Variants in GOLM2 observed in about 807,000 individuals in gnomAD.
The protein encoded by GOLM2 is protein GOLM2.
Under a neutral mutation model 55.9 loss-of-function variants are expected in GOLM2, and 26 were observed. The observed-to-expected ratio is 0.47, with a 90% CI of 0.34 to 0.65. GOLM2 has a LOEUF of 0.65. GOLM2 is among the 30% of genes least tolerant of loss of function. The pLI is 0.01. For synonymous variants in GOLM2, 165 were observed against 194.6 expected, an observed-to-expected ratio of 0.85 and a Z score of 1.27; for missense variants, 486 against 531.8, an observed-to-expected ratio of 0.91 and a Z score of 0.85.
intron 1 of GOLM2, among the ~76,000 whole-genome samples, chr15:44,310,324 G>T (rs1243363809): frequency 6.6e-6 from 1 of 151,750 alleles, no homozygotes; most frequent in East Asian, 1.9e-4. Flanking sequence ...GGATGAAAGG[G>T]TACTCACAAG....
At chr15:44,331,552 A>G (rs1199482069) in intron 3 of GOLM2, among the ~76,000 whole-genome samples, 2 of 152,136 alleles carry the variant, frequency 1.3e-5, no homozygotes, top group African/African-American at 2.4e-5. Flanking sequence ...CTTTTATTAC[A>G]GTGTTAAACT....
chr15:44,322,865 T>G, intron 1 of GOLM2, 100 bp from the exon 2 acceptor site: 1 of 733,240 alleles, frequency 1.4e-6, no homozygotes, highest in Non-Finnish European at 2.2e-6. Context: ...AACCAGAGTT[T>G]TTTGTTTGCA....
At chr15:44,316,715 A>G (rs1195800653) in intron 1 of GOLM2, among the ~76,000 whole-genome samples, 1 of 151,246 alleles carries the variant, frequency 6.6e-6, no homozygotes, top group African/African-American at 2.4e-5. Context: ...AGATTGTGCC[A>G]CTGCACTCCA....
At chr15:44,358,998 T>C (rs2079216561) in intron 6 of GOLM2, among the ~76,000 whole-genome samples, 1 of 150,726 alleles carries the variant, frequency 6.6e-6, no homozygotes, top group Admixed American at 6.6e-5. Context: ...CCACTAAAAA[T>C]ACAAAAAAAT....
At chr15:44,374,102 A>AAAAT (rs952237248) in intron 6 of GOLM2, among the ~76,000 whole-genome samples, 1 of 152,112 alleles carries the variant, frequency 6.6e-6, no homozygotes, top group African/African-American at 2.4e-5. Flanking sequence ...CTCAGTCTCA[A>AAAAT]AAATAAATAA....
intron 6 of GOLM2, among the ~76,000 whole-genome samples, chr15:44,359,053 G>C (rs1293679286): frequency 1.3e-5 from 2 of 151,990 alleles, no homozygotes; most frequent in African/African-American, 4.8e-5. Flanking sequence ...GGGAGGCTGA[G>C]GCAGGAGAAT....
intron 5 of GOLM2, among the ~76,000 whole-genome samples, 158 bp downstream of exon 5, chr15:44,338,065 A>C (rs1439717871): frequency 6.6e-6 from 1 of 152,360 alleles, no homozygotes; most frequent in Admixed American, 6.5e-5. Context: ...GTTTGATAGA[A>C]GAGAAAAAAG....
At chr15:44,345,146 G>T (rs190900262) in intron 6 of GOLM2, among the ~76,000 whole-genome samples, 159 of 151,758 alleles carry the variant, frequency 1.0e-3, no homozygotes, top group African/African-American at 3.8e-3. Context: ...TTTCGCTCTT[G>T]TAGCCAAGGC....
chr15:44,325,724 T>C (rs1388073367), intron 2 of GOLM2, among the ~76,000 whole-genome samples: 1 of 152,214 alleles, frequency 6.6e-6, no homozygotes, highest in African/African-American at 2.4e-5. Context: ...GTTTGATCCC[T>C]TAGCCACAAG....
chr15:44,359,156 T>A (rs542567928), intron 6 of GOLM2, among the ~76,000 whole-genome samples: 58 of 147,648 alleles, frequency 3.9e-4, no homozygotes, highest in African/African-American at 1.2e-3. Context: ...TCTCAAAAAA[T>A]AATAATAATA....
At chr15:44,400,769 G>C (rs573896668) in intron 8 of GOLM2, among the ~76,000 whole-genome samples, 10 of 151,864 alleles carry the variant, frequency 6.6e-5, no homozygotes, top group African/African-American at 2.4e-4. Flanking sequence ...GTAGAGATGG[G>C]GTTTCACCAT....
rs1428901647 is a variant in GOLM2, at chr15:44,289,668, C to A, written c.327+312C>A. On this transcript the variant is annotated intron_variant, in intron 1 of 9. Transcript: ENST00000299957. The surrounding 1 kb of genome is among the most constrained non-coding windows in gnomAD (Gnocchi z 4.8). Reference sequence around the variant, plus strand: ...TCATCTGGCCTGTGTGGCCCCCTTACCTTCAAAGACACACAAATCTGGCGA... The same window carrying A: ...TCATCTGGCCTGTGTGGCCCCCTTAACTTCAAAGACACACAAATCTGGCGA... Among the ~76,000 whole-genome samples, 1 of 152,208 alleles carries A rather than the reference C, an allele frequency of 6.6e-6. No homozygotes were observed. Among genetic ancestry groups the A allele is most frequent in the Non-Finnish European group, 1.5e-5 (1 of 68,046 alleles).
chr15:44,411,551 T>C (rs2079638467), intron 9 of GOLM2, among the ~76,000 whole-genome samples: 1 of 152,266 alleles, frequency 6.6e-6, no homozygotes, highest in Non-Finnish European at 1.5e-5. Context: ...TAAAAATCCA[T>C]GTACTCTACG....
chr15:44,369,066 A>ATT lies in GOLM2; in HGVS notation c.803-10623_803-10622dup, dbSNP rs1201845849. ...GAGATATATACATATAATAGGATAT[A>ATT]TTATATATATATATATATATATATA... On this transcript the variant is annotated intron_variant, in intron 6 of 9. Coordinates refer to ENST00000299957, the MANE Select transcript of GOLM2 (RefSeq NM_138423.4). 1.1e-3 allele frequency among the ~76,000 whole-genome samples: 66 copies of ATT among 60,074 alleles called. 1 individual carries two copies. Among genetic ancestry groups the ATT allele is most frequent in the African/African-American group, 4.2e-3 (56 of 13,364 alleles). The allele number at this position is 60,074 out of a possible 152,430, so 39.4% of individuals were successfully genotyped here.
At chr15:44,321,492 T>TG (rs1395047809) in intron 1 of GOLM2, among the ~76,000 whole-genome samples, 13 of 82,416 alleles carry the variant, frequency 1.6e-4, no homozygotes, top group Non-Finnish European at 2.2e-4. Flanking sequence ...AAAGGGGGGG[T>TG]GGGGGGATAG....
chr15:44,341,691 ATTTT>A (rs752182459), intron 6 of GOLM2, among the ~76,000 whole-genome samples: 2 of 120,868 alleles, frequency 1.7e-5, no homozygotes, highest in Middle Eastern at 5.1e-3. Flanking sequence ...ATTTTATTAG[ATTTT>A]TTTTTTTTTT....
intron 8 of GOLM2, among the ~76,000 whole-genome samples, chr15:44,384,311 T>C (rs2079426232): frequency 6.6e-6 from 1 of 152,078 alleles, no homozygotes; most frequent in South Asian, 2.1e-4. Context: ...TCTGGATATT[T>C]CATATAAAAG....
chr15:44,382,080 A>G (rs1395178124), intron 8 of GOLM2: 3 of 152,076 alleles, frequency 2.0e-5, no homozygotes, highest in African/African-American at 7.2e-5. Context: ...TTCAAATAGG[A>G]AATTCCTTGA....
intron 6 of GOLM2, among the ~76,000 whole-genome samples, chr15:44,338,891 C>T (rs538171538): frequency 1.2e-4 from 18 of 152,108 alleles, no homozygotes; most frequent in Non-Finnish European, 2.5e-4. Context: ...AAGGCCTGCT[C>T]CCACTTGCTG....
Sources: gnomAD v4.1 joint callset for allele counts (sites outside exome capture counted in the v4.1 genomes callset) on GRCh38, gnomAD v4.1.1 for gene constraint, Gnocchi (gnomAD v3.1) non-coding constraint, MANE v1.5 for transcripts, NCBI Gene and HGNC (gene_info 2026-07-23, HGNC 2026-07-21) for gene names.